RP1: variants seen among roughly 807,000 people sequenced by gnomAD.
RP1 encodes the protein oxygen-regulated protein 1.
In RP1, 16 loss-of-function variants were observed where a neutral mutation model predicts 14.8. The observed-to-expected ratio is 1.08, with a 90% CI of 0.73 to 1.65. The LOEUF (loss-of-function observed/expected upper bound fraction) is 1.65, where lower values mean the gene tolerates loss of function less well. RP1 is among the 40% of genes most tolerant of loss of function. RP1 has a pLI of 0.00. For synonymous variants in RP1, 876 were observed against 883.6 expected (o/e 0.99, Z 0.15); for missense variants, 2,631 against 2,535.0 (o/e 1.04, Z -0.81).
In RP1 at chr8:54,630,419, G is replaced by T; in HGVS notation, c.*66G>T. On this transcript the variant is annotated 3_prime_UTR_variant, in exon 4 of 4. Coordinates refer to ENST00000220676, the MANE Select transcript of RP1 (RefSeq NM_006269.2). ...TCCCATGAGATGAAGCACATGTGAC[G>T]AATACGGACTAGATAACCTCTAAGA... The T allele has an allele frequency of 6.3e-7, 1 of 1,596,006 alleles. No homozygotes were observed. The highest frequency in any genetic ancestry group is 1.1e-5 in the South Asian group (1 of 88,582).
intron 1 of RP1, among the ~76,000 whole-genome samples, chr8:54,600,528 A>G (rs1442032844): frequency 6.6e-6 from 1 of 152,112 alleles, no homozygotes; most frequent in Non-Finnish European, 1.5e-5. Flanking sequence ...TCTGATACGA[A>G]TAAGAGGGAG....
intron 15 of RP1, among the ~76,000 whole-genome samples, chr8:54,719,264 G>A (rs1808479879): frequency 6.6e-6 from 1 of 151,940 alleles, no homozygotes; most frequent in Middle Eastern, 3.4e-3. Context: ...TTCTCTACTC[G>A]ACCATGAACA....
At chr8:54,788,649 T>A (rs1392197290) in intron 24 of RP1, among the ~76,000 whole-genome samples, 2 of 152,192 alleles carry the variant, frequency 1.3e-5, no homozygotes, top group Non-Finnish European at 2.9e-5. Flanking sequence ...TTACAAAAGT[T>A]GAAATATTTT....
chr8:54,863,949 G>A (rs115205953), intron 27 of RP1, among the ~76,000 whole-genome samples: 184 of 152,326 alleles, frequency 1.2e-3, no homozygotes, highest in African/African-American at 4.3e-3. Context: ...AAAGTGTATA[G>A]TTGTGTTGCT....
At chr8:54,837,364 AG>A (rs1811684022) in intron 24 of RP1, 1 of 496,064 alleles carries the variant, frequency 2.0e-6, no homozygotes, top group African/African-American at 2.0e-5. Context: ...ATGATAAAAA[AG>A]TAAGTAGTGA....
chr8:54,614,078 G>A (rs1442242915), upstream of RP1, among the ~76,000 whole-genome samples: 1 of 152,190 alleles, frequency 6.6e-6, no homozygotes, highest in Non-Finnish European at 1.5e-5. Flanking sequence ...AGCCTATAAA[G>A]CAGGTACTTT....
At chr8:54,808,252 G>A (rs1810906984) in intron 24 of RP1, among the ~76,000 whole-genome samples, 1 of 152,188 alleles carries the variant, frequency 6.6e-6, no homozygotes, top group Admixed American at 6.5e-5. Context: ...GTAAACTGGA[G>A]TCCACTGCAT....
At chr8:54,741,708 T>C (rs10098479) in intron 19 of RP1, among the ~76,000 whole-genome samples, 203 of 20,358 alleles carry the variant, frequency 1.0e-2, no homozygotes, top group Non-Finnish European at 0.022. Flanking sequence ...AATGTGTGTG[T>C]ATATATATAT....
chr8:54,762,925 TTTC>T (rs1435070587), intron 22 of RP1, among the ~76,000 whole-genome samples: 1 of 152,186 alleles, frequency 6.6e-6, no homozygotes, highest in African/African-American at 2.4e-5. Flanking sequence ...TGTCTCTGTA[TTTC>T]TTATCTTTTT....
chr8:54,660,004 T>G lies in RP1; in HGVS notation c.1172-3695T>G, dbSNP rs537948374. The stretch of plus-strand genomic sequence containing the variant: ...AAATGCAATTGTTTTCTTAATTTCT[T>G]TTTGTATTATTCTTTGTTAGTATAT... On this transcript the variant is annotated intron_variant, in intron 6 of 22. Transcript: ENST00000636932. Among the ~76,000 whole-genome samples the G allele has an allele frequency of 2.0e-5, 3 of 152,260 alleles. No individual in the cohort carries two copies. The East Asian group carries it at 5.8e-4, about 29-fold the overall frequency.
intron 4 of RP1, among the ~76,000 whole-genome samples, chr8:54,650,893 G>A (rs1338371594): frequency 6.6e-6 from 1 of 151,852 alleles, no homozygotes; most frequent in Non-Finnish European, 1.5e-5. Flanking sequence ...TGAGTAGGAC[G>A]TTATCTGTGG....
At chr8:54,868,072 A>G (rs1286015475) in intron 28 of RP1, among the ~76,000 whole-genome samples, 2 of 152,208 alleles carry the variant, frequency 1.3e-5, no homozygotes, top group African/African-American at 4.8e-5. Flanking sequence ...AGTAGTAAAT[A>G]TAAGATTATT....
In RP1 at chr8:54,608,609, TA is replaced by T. The variant is rs375454581; in HGVS notation, c.-12-12345del. On this transcript the variant is annotated intron_variant, in intron 1 of 22. Coordinates refer to the RP1 transcript ENST00000636932. ...TAGAGAACTCCTAGGGGATGGACGATATTGCAGCAAACCACCAAGGCACACA... is the reference window on the plus strand; with the variant it reads ...TAGAGAACTCCTAGGGGATGGACGATTTGCAGCAAACCACCAAGGCACACA... 6.6e-5 allele frequency among the ~76,000 whole-genome samples: 10 copies of T among 152,288 alleles called. No individual in the cohort carries two copies. The South Asian group carries it at 2.1e-3, about 32-fold the overall frequency.
chr8:54,629,334 T>C lies in RP1; in HGVS notation c.5452T>C (p.Tyr1818His), dbSNP rs951585106. The stretch of plus-strand genomic sequence containing the variant: ...TCAACCCCTTGAACTAAAATGCAAT[T>C]ACTTTAACATGCCTCATGGTAGTGA... ...LTQPLELKCN[Y>H]FNMPHGSDSE... Residue 1818 changes from tyrosine (Y) to histidine (H), a missense_variant, in exon 4 of 4, where the codon TAC becomes CAC. Physicochemically the swap from Tyr to His is moderately conservative, Grantham distance 83. Transcript: ENST00000220676. 1 of 1,614,066 alleles carries C rather than the reference T, an allele frequency of 6.2e-7. No individual in the cohort carries two copies. Among genetic ancestry groups the C allele is most frequent in the Non-Finnish European group, 8.5e-7 (1 of 1,179,960 alleles).
intron 1 of RP1, among the ~76,000 whole-genome samples, chr8:54,580,206 C>G (rs1388495083): frequency 6.7e-6 from 1 of 149,564 alleles, no homozygotes; most frequent in East Asian, 1.9e-4. Context: ...TGGTGTAATG[C>G]CTGGCATGTA....
intron 4 of RP1, among the ~76,000 whole-genome samples, chr8:54,651,241 T>C (rs1463840285): frequency 6.6e-6 from 1 of 152,184 alleles, no homozygotes; most frequent in Non-Finnish European, 1.5e-5. Flanking sequence ...GCACAGTGGT[T>C]TATAGTTTCC....
chr8:54,856,895 A>G lies in RP1; in HGVS notation c.3991-133A>G, dbSNP rs189533015. ...GCATAGTGTAGAACTTTGCACATAAAATAGTAATTTTTATAGTAGTAGTAA... is the reference window on the plus strand; with the variant it reads ...GCATAGTGTAGAACTTTGCACATAAGATAGTAATTTTTATAGTAGTAGTAA... On this transcript the variant is annotated intron_variant, in intron 26 of 28. Coordinates refer to the RP1 transcript ENST00000637698. 31 of 341,228 alleles carry G rather than the reference A, an allele frequency of 9.1e-5. No individual in the cohort carries two copies. The Admixed American group carries it at 1.1e-3, about 13-fold the overall frequency. The allele number at this position is 341,228 out of a possible 1,614,324, so 21.1% of individuals were successfully genotyped here. A position where few individuals can be genotyped will look rare whatever the true frequency, so the allele number is the denominator to read the frequency against.
At chr8:54,843,470 C>A (rs1811837482) in intron 25 of RP1, among the ~76,000 whole-genome samples, 1 of 152,260 alleles carries the variant, frequency 6.6e-6, no homozygotes, top group South Asian at 2.1e-4. Context: ...CGTATATGGT[C>A]TTGGATCCCA....
exon 6 of RP1, chr8:54,656,113 C>G: frequency 1.3e-6 from 2 of 1,532,460 alleles, no homozygotes; most frequent in East Asian, 2.5e-5. Context: ...TTCTGGAAAA[C>G]AGTTTTATGT....
Sources: allele counts gnomAD v4.1 joint callset (sites outside exome capture counted in the v4.1 genomes callset), GRCh38; gene constraint gnomAD v4.1.1; transcripts MANE v1.5; gene names NCBI Gene and HGNC (gene_info 2026-07-23, HGNC 2026-07-21).